The following ADA2 variants were observed in gnomAD, a reference collection of about 807,000 sequenced individuals.
The protein encoded by ADA2 is adenosine deaminase CECR1.
In ADA2, 29 loss-of-function variants were observed where a neutral mutation model predicts 44.2. The ratio of observed to expected loss-of-function variants is 0.66; its 90% confidence interval spans 0.49 to 0.89. The LOEUF (loss-of-function observed/expected upper bound fraction) is 0.89, where lower values mean the gene tolerates loss of function less well. ADA2 is among the 40% of genes least tolerant of loss of function. ADA2 has a pLI of 0.00. For synonymous variants in ADA2, 215 were observed against 234.9 expected (o/e 0.92, Z 0.77); for missense variants, 637 against 644.8 (o/e 0.99, Z 0.13).
chr22:17,211,909 A>T (rs1325391633), intron 1 of ADA2, among the ~76,000 whole-genome samples: 1 of 152,146 alleles, frequency 6.6e-6, no homozygotes, highest in Non-Finnish European at 1.5e-5. Flanking sequence ...GCCTGCCAAC[A>T]GAGTGAGACT....
At chr22:17,195,112 T>C (rs564265972) in intron 4 of ADA2, among the ~76,000 whole-genome samples, 31 of 152,312 alleles carry the variant, frequency 2.0e-4, no homozygotes, top group African/African-American at 7.2e-4. Flanking sequence ...TCCTTCATCT[T>C]GTCACTTCTT....
chr22:17,214,026 C>A, intron 1 of ADA2: 1 of 365,906 alleles, frequency 2.7e-6, no homozygotes, highest in Admixed American at 4.3e-5. Context: ...GCAACAAGAG[C>A]GAAACTCTGT....
chr22:17,189,897 C>A (rs776216768), intron 6 of ADA2, 45 bp downstream of exon 6: 2 of 1,385,222 alleles, frequency 1.4e-6, no homozygotes, highest in Non-Finnish European at 2.1e-6. Flanking sequence ...GGCATCCTCG[C>A]ATGCCCCCTT....
chr22:17,199,626 G>T (rs749495371), intron 4 of ADA2: 5 of 1,613,782 alleles, frequency 3.1e-6, no homozygotes, highest in Admixed American at 1.7e-5. Context: ...CTCTGGGATC[G>T]CCATTTGAGG....
chr22:17,182,575 A>G (rs2061984741), intron 8 of ADA2, 29 bp downstream of exon 8: 3 of 1,611,050 alleles, frequency 1.9e-6, no homozygotes, highest in Admixed American at 1.7e-5. Context: ...GGGAGATCAT[A>G]TGGGATTAGC....
At chr22:17,184,126 A>AT (rs35520208) in intron 7 of ADA2, among the ~76,000 whole-genome samples, 8,664 of 143,116 alleles carry the variant, frequency 0.061, 351 homozygotes, top group African/African-American at 0.11. Flanking sequence ...CACCCAGCTG[A>AT]TTTTTTTTTT....
rs766270436 is a variant in ADA2, at chr22:17,207,063, C to T, written c.542+8G>A. 12 of 1,609,634 alleles carry T rather than the reference C, an allele frequency of 7.5e-6. No individual in the cohort carries two copies. On this transcript the variant is annotated splice_region_variant and intron_variant, in intron 3 of 9. Transcript: ENST00000399837. Reference sequence around the variant, plus strand: ...CCTGGGACATGTGCTTTCTGAACTACTACTCACCTGTCATCAAACTCAGTG... The same window carrying T: ...CCTGGGACATGTGCTTTCTGAACTATTACTCACCTGTCATCAAACTCAGTG...
At chr22:17,209,912 A>C in intron 1 of ADA2, 189 bp from the exon 2 acceptor site, 1 of 472,264 alleles carries the variant, frequency 2.1e-6, no homozygotes, top group Non-Finnish European at 3.7e-6. Context: ...TTTTTTTGAG[A>C]CGGAGTCTCG....
chr22:17,219,661 G>GATTTTTTTTTTTTTTT (rs1178590006), upstream of ADA2: 2 of 125,660 alleles, frequency 1.6e-5, no homozygotes, highest in Non-Finnish European at 3.2e-5. Flanking sequence ...TGCATGTGGG[G>GATTTTTTTTTTTTTTT]TTTGTTTTTT....
At chr22:17,211,556 C>T (rs917329109) in intron 1 of ADA2, among the ~76,000 whole-genome samples, 2 of 151,894 alleles carry the variant, frequency 1.3e-5, no homozygotes, top group Admixed American at 1.3e-4. Flanking sequence ...TCACCTGAGC[C>T]TGGGAAATCG....
At chr22:17,190,489 G>A (rs1397014213) in intron 5 of ADA2, among the ~76,000 whole-genome samples, 9 of 152,154 alleles carry the variant, frequency 5.9e-5, no homozygotes, top group African/African-American at 2.2e-4. Context: ...TAACCATATG[G>A]CCTCTTGCTG....
At position 17,207,097 on chromosome 22, in the gene ADA2, C is replaced by T. The variant is rs1004535821; in HGVS notation, c.516G>A (p.Val172=). The change falls in exon 3 of 10, where the codon GTG becomes GTA. Residue 172 remains valine (V), a synonymous_variant. Coordinates refer to ENST00000399837, the MANE Select transcript of ADA2 (RefSeq NM_001282225.2). ...WILLEDYRKR[V]QNVTEFDDSL... The stretch of plus-strand genomic sequence containing the variant: ...TGTCATCAAACTCAGTGACGTTCTG[C>T]ACCCGCTTCCGATAATCCTCCAGCA... 1.9e-6 allele frequency: 3 copies of T among 1,614,200 alleles called. No homozygotes were observed. Among genetic ancestry groups the T allele is most frequent in the South Asian group, 1.1e-5 (1 of 91,088 alleles).
rs753485943 is a variant in ADA2, at chr22:17,209,424, T to C, written c.254A>G (p.His85Arg). 3.1e-6 allele frequency: 5 copies of C among 1,614,112 alleles called. No individual in the cohort carries two copies. The South Asian group carries it at 5.5e-5, about 18-fold the overall frequency. ...AATGAGATGCTTGGCCTGGAAAAAG[T>C]GCATGCTGGGTGGGAATATCAGGGT... ...MRTLIFPPSM[H>R]FFQAKHLIER... Residue 85 changes from histidine (H) to arginine (R), a missense_variant, in exon 2 of 10, where the codon CAC becomes CGC. By Grantham distance (29) the His-to-Arg change is conservative (BLOSUM62 0). Transcript: ENST00000399837.
chr22:17,188,246 G>T, intron 7 of ADA2, 93 bp downstream of exon 7: 2 of 826,026 alleles, frequency 2.4e-6, no homozygotes, highest in Non-Finnish European at 4.0e-6. Context: ...CTCTGGAAAC[G>T]CCTGTAGGCT....
In ADA2 at chr22:17,181,447, A is replaced by T. The variant is rs1296685930; in HGVS notation, c.*36T>A. The T allele has an allele frequency of 7.3e-7, 1 of 1,368,822 alleles. No homozygotes were observed. The highest frequency in any genetic ancestry group is 1.4e-5 in the African/African-American group (1 of 70,204). 84.8% of individuals were successfully genotyped at this position (1,368,822 alleles called of 1,614,324 possible). On this transcript the variant is annotated 3_prime_UTR_variant, in exon 10 of 10. Coordinates refer to ENST00000399837, the MANE Select transcript of ADA2 (RefSeq NM_001282225.2). ...AGTGAGAGGAAGTGACAGCGTGTGCAAGAAGACAGCTTGTAGAGGGCTGGC... is the reference window on the plus strand; with the variant it reads ...AGTGAGAGGAAGTGACAGCGTGTGCTAGAAGACAGCTTGTAGAGGGCTGGC...
intron 7 of ADA2, among the ~76,000 whole-genome samples, chr22:17,183,482 AC>A (rs1264024550): frequency 1.9e-5 from 2 of 104,200 alleles, no homozygotes; most frequent in Admixed American, 1.2e-4. Flanking sequence ...TTTTTTTGAG[AC>A]GGAGTCTTGC....
intron 4 of ADA2, among the ~76,000 whole-genome samples, chr22:17,197,950 A>C (rs2062214102): frequency 6.6e-6 from 1 of 151,936 alleles, no homozygotes; most frequent in South Asian, 2.1e-4. Context: ...AGGCAGGAGA[A>C]TCGCTTGAAC....
chr22:17,192,685 G>A (rs181650975), intron 4 of ADA2, among the ~76,000 whole-genome samples: 31 of 152,250 alleles, frequency 2.0e-4, no homozygotes, highest in Admixed American at 1.6e-3. Flanking sequence ...AAGATTAGCT[G>A]GGCATGGTGG....
At chr22:17,203,537 G>A (rs1370482794) in intron 4 of ADA2, 26 bp downstream of exon 4, 2 of 1,581,438 alleles carry the variant, frequency 1.3e-6, no homozygotes, top group South Asian at 1.1e-5. Flanking sequence ...GGAGGTGGGA[G>A]GAACAGAGAG....
Sources: allele counts gnomAD v4.1 joint callset (sites outside exome capture counted in the v4.1 genomes callset), GRCh38; gene constraint gnomAD v4.1.1; transcripts MANE v1.5; gene names NCBI Gene and HGNC (gene_info 2026-07-23, HGNC 2026-07-21).